The following FANCD2OS variants were observed in gnomAD, a reference collection of about 807,000 sequenced individuals.
FANCD2OS encodes the protein FANCD2 opposite strand, also known as FANCD2 opposite strand protein.
FANCD2OS carries 11 observed loss-of-function variants against 13.2 expected under a neutral mutation model. The observed-to-expected ratio is 0.83, with a 90% CI of 0.52 to 1.38. The LOEUF is 1.38. Ranked by LOEUF, FANCD2OS falls within the 40% of genes most tolerant of loss-of-function variation. The pLI is 0.00. For missense variants in FANCD2OS, 217 were observed against 213.9 expected (o/e 1.01, Z -0.09); for synonymous variants, 69 against 84.5 (o/e 0.82, Z 1.01).
intron 2 of FANCD2OS, among the ~76,000 whole-genome samples, chr3:10,085,635 C>T (rs1694147109): frequency 6.6e-6 from 1 of 152,050 alleles, no homozygotes; most frequent in Admixed American, 6.5e-5. Flanking sequence ...CGTTATTCGC[C>T]CGCCTCAGCC....
Position 10,104,491 on chromosome 3 carries a change from C to T in FANCD2OS, c.284G>A (p.Arg95His), listed in dbSNP as rs1178486941. The T allele has an allele frequency of 1.9e-6, 3 of 1,614,056 alleles. No individual in the cohort carries two copies. Among genetic ancestry groups the T allele is most frequent in the Non-Finnish European group, 2.5e-6 (3 of 1,180,038 alleles). The change falls in exon 2 of 2, where the codon CGC becomes CAC. Residue 95 changes from arginine to histidine, a missense_variant. Coordinates refer to ENST00000450660, the MANE Select transcript of FANCD2OS (RefSeq NM_001164839.2). ...AAAGACAGAATCTACTCCACTGAGG[C>T]GGATGGGCTGGGGCTTCCTGACCAG... is the stretch of plus-strand genomic sequence containing the variant. The part of the protein sequence containing the change: ...KGLVRKPQPI[R>H]LSGVDSVFGR...
At chr3:10,103,106 A>C, downstream of FANCD2OS, 1 of 437,642 alleles carries the variant, frequency 2.3e-6, no homozygotes, top group Non-Finnish European at 4.5e-6. Context: ...AAAAAAAAAA[A>C]ATACAAAAAT....
At chr3:10,096,204 A>G in intron 2 of FANCD2OS, 1 of 964,184 alleles carries the variant, frequency 1.0e-6, no homozygotes, top group Non-Finnish European at 1.7e-6. Context: ...GTTTGATGGA[A>G]CATACCGTTG....
rs2287435 is a variant in FANCD2OS at position 10,090,218 on chromosome 3, G to C, written c.*44-8687C>G. 7 of 1,072,566 alleles carry C rather than the reference G, an allele frequency of 6.5e-6. No individual in the cohort carries two copies. The African/African-American group carries it at 1.1e-4, about 17-fold the overall frequency. The allele number at this position is 1,072,566 out of a possible 1,614,324, so 66.4% of individuals were successfully genotyped here. A position where few individuals can be genotyped will look rare whatever the true frequency, so the allele number is the denominator to read the frequency against. On this transcript the variant is annotated intron_variant, in intron 2 of 2. Coordinates refer to the FANCD2OS transcript ENST00000524279. ...AGAGGTAGGGAAGGAAGCTACTTTT[G>C]GTTCCTGGTTCTTCCCAGGTAGTTC...
At chr3:10,099,713 ATGCTACTGCACTCCAGCC>A (rs1695192221), downstream of FANCD2OS, 1 of 152,602 alleles carries the variant, frequency 6.6e-6, no homozygotes, top group Admixed American at 6.5e-5. Context: ...AGCCGAGATC[ATGCTACTGCACTCCAGCC>A]TGGGCAACAG....
chr3:10,090,145 TC>T, intron 2 of FANCD2OS: 1 of 660,692 alleles, frequency 1.5e-6, no homozygotes, highest in Non-Finnish European at 2.8e-6. Context: ...CTGAGTCCTT[TC>T]CGCTCCCCCA....
intron 2 of FANCD2OS, chr3:10,094,862 T>C: frequency 2.6e-6 from 1 of 380,966 alleles, no homozygotes; most frequent in Non-Finnish European, 5.0e-6. Context: ...AACAAAATAC[T>C]CACCATATTT....
chr3:10,105,610 C>A (rs1286550901), intron 1 of FANCD2OS, among the ~76,000 whole-genome samples: 1 of 150,514 alleles, frequency 6.6e-6, no homozygotes. Flanking sequence ...ATTAGCCGGG[C>A]GTGGTGGCGC....
rs780666513 is a variant in FANCD2OS, at chr3:10,108,126, A to T, written c.-120T>A. 6.6e-6 allele frequency: 1 copy of T among 152,312 alleles called. No homozygotes were observed. The highest frequency in any genetic ancestry group is 2.4e-5 in the African/African-American group (1 of 41,420). The allele number at this position is 152,312 out of a possible 1,614,324, so 9.4% of individuals were successfully genotyped here. On this transcript the variant is annotated 5_prime_UTR_variant, in exon 1 of 2. Transcript: ENST00000450660. ...CGAGAGGCTCCCACTCCCCGCCGGA[A>T]GAAGGGGCTTGGGCCTCCTGGGTCC...
Position 10,104,221 on chromosome 3 carries a change from G to T in FANCD2OS, c.*20C>A. 6.3e-7 allele frequency: 1 copy of T among 1,577,814 alleles called. No individual in the cohort carries two copies. Among genetic ancestry groups the T allele is most frequent in the African/African-American group, 1.4e-5 (1 of 73,976 alleles). The stretch of plus-strand genomic sequence containing the variant: ...ACCAAAGGGCATGGTGTGAGTAAAT[G>T]GGGATCAAATGAGGACCCTTTACTT... On this transcript the variant is annotated 3_prime_UTR_variant, in exon 2 of 2. Transcript: ENST00000450660.
chr3:10,086,720 T>C (rs969120317), intron 2 of FANCD2OS, among the ~76,000 whole-genome samples: 2 of 152,206 alleles, frequency 1.3e-5, no homozygotes, highest in Non-Finnish European at 2.9e-5. Flanking sequence ...TCAGGTGATC[T>C]GCCTGTCTCA....
At position 10,104,168 on chromosome 3, in the gene FANCD2OS, G is replaced by T; in HGVS notation, c.*73C>A. The T allele has an allele frequency of 2.3e-6, 3 of 1,331,384 alleles. No individual in the cohort carries two copies. Among genetic ancestry groups the T allele is most frequent in the Non-Finnish European group, 2.0e-6 (2 of 975,932 alleles). The allele number at this position is 1,331,384 out of a possible 1,614,324, so 82.5% of individuals were successfully genotyped here. On this transcript the variant is annotated 3_prime_UTR_variant, in exon 2 of 2. Coordinates refer to ENST00000450660, the MANE Select transcript of FANCD2OS (RefSeq NM_001164839.2). ...ACAATGTCACAGTTTCATTTACATG[G>T]ACAGGTTTCTGTAAGCTTTAGGTAC... is the stretch of plus-strand genomic sequence containing the variant.
chr3:10,092,217 G>C lies in FANCD2OS; in HGVS notation c.*44-10686C>G, dbSNP rs779166407. ...GAAACTCCTCTACTGGAACATGGCT[G>C]TTCGAGACTTCAGTATCCTCATCAA... is the stretch of plus-strand genomic sequence containing the variant. On this transcript the variant is annotated intron_variant, in intron 2 of 2. Transcript: ENST00000524279. 3.1e-6 allele frequency: 5 copies of C among 1,614,002 alleles called. No homozygotes were observed. In the East Asian group the frequency reaches 1.1e-4, roughly 36 times the overall value.
chr3:10,105,788 A>T (rs1267989721), intron 1 of FANCD2OS, among the ~76,000 whole-genome samples: 1 of 59,032 alleles, frequency 1.7e-5, no homozygotes, highest in East Asian at 4.3e-4. Flanking sequence ...ATATATATAT[A>T]TATATATATA....
At chr3:10,092,976 G>A (rs1478407136) in intron 2 of FANCD2OS, among the ~76,000 whole-genome samples, 1 of 152,098 alleles carries the variant, frequency 6.6e-6, no homozygotes, top group Non-Finnish European at 1.5e-5. Context: ...TCAGGCATGA[G>A]CCAGCATGCC....
chr3:10,100,570 C>G (rs149922376), downstream of FANCD2OS, among the ~76,000 whole-genome samples: 215 of 152,288 alleles, frequency 1.4e-3, no homozygotes, highest in African/African-American at 5.0e-3. Flanking sequence ...CAGGGTTTCA[C>G]CATGTTGGCC....
chr3:10,105,765 AAAAAAATTATATATATAT>A lies in FANCD2OS; in HGVS notation c.-8-1001_-8-984del, dbSNP rs1291726927. Among the ~76,000 whole-genome samples, 7 of 62,664 alleles carry A rather than the reference AAAAAAATTATATATATAT, an allele frequency of 1.1e-4. 1 individual carries two copies. The highest frequency in any genetic ancestry group is 6.3e-4 in the African/African-American group (6 of 9,540). 41.1% of individuals were successfully genotyped at this position (62,664 alleles called of 152,430 possible). ...GACTCCATCTAAAAAAAAAAAAAAA[AAAAAAATTATATATATAT>A]ATATATATATATATATATATATATA... On this transcript the variant is annotated intron_variant, in intron 1 of 1. Transcript: ENST00000450660.
In FANCD2OS at chr3:10,104,055, T is replaced by G; in HGVS notation, c.*186A>C. 1 of 593,550 alleles carries G rather than the reference T, an allele frequency of 1.7e-6. No individual in the cohort carries two copies. The highest frequency in any genetic ancestry group is 2.9e-6 in the Non-Finnish European group (1 of 341,010). 36.8% of individuals were successfully genotyped at this position (593,550 alleles called of 1,614,324 possible). On this transcript the variant is annotated 3_prime_UTR_variant, in exon 2 of 2. Coordinates refer to ENST00000450660, the MANE Select transcript of FANCD2OS (RefSeq NM_001164839.2). Reference sequence around the variant, plus strand: ...CTTACAATGGGAATGTTCTTCCTTGTTCTCTATCATTGGTCCTTTTTTGGA... The same window carrying G: ...CTTACAATGGGAATGTTCTTCCTTGGTCTCTATCATTGGTCCTTTTTTGGA...
downstream of FANCD2OS, among the ~76,000 whole-genome samples, chr3:10,103,289 C>G (rs1300551224): frequency 6.6e-6 from 1 of 152,088 alleles, no homozygotes; most frequent in Non-Finnish European, 1.5e-5. Flanking sequence ...GTAATCCCAG[C>G]TACTAGGGAG....
Sources: allele counts gnomAD v4.1 joint callset (sites outside exome capture counted in the v4.1 genomes callset), GRCh38; gene constraint gnomAD v4.1.1; transcripts MANE v1.5; gene names NCBI Gene and HGNC (gene_info 2026-07-23, HGNC 2026-07-21).